PTPRK: variants seen among roughly 807,000 people sequenced by gnomAD.
PTPRK encodes the protein receptor-type tyrosine-protein phosphatase kappa.
PTPRK carries 75 observed loss-of-function variants against 178.0 expected under a neutral mutation model. The observed-to-expected ratio is 0.42, with a 90% confidence interval of 0.35 to 0.51. The LOEUF (loss-of-function observed/expected upper bound fraction) is 0.51. Among genes scored for constraint, PTPRK ranks in the 20% least tolerant of loss-of-function variants. The pLI, the probability that PTPRK is intolerant of heterozygous loss-of-function variation, is 0.02. For synonymous variants in PTPRK, 637 were observed against 620.6 expected, an observed-to-expected ratio of 1.03 and a Z score of -0.39; for missense variants, 1,441 against 1,797.8, an observed-to-expected ratio of 0.80 and a Z score of 3.59.
chr6:128,278,445 T>C (rs1161067450), intron 3 of PTPRK, among the ~76,000 whole-genome samples: 48 of 152,244 alleles, frequency 3.2e-4, no homozygotes, highest in Admixed American at 2.6e-3. Flanking sequence ...CGTGAGCCAC[T>C]GCACCTGGCC....
chr6:128,369,794 T>C (rs1175033032), intron 2 of PTPRK, among the ~76,000 whole-genome samples: 1 of 152,150 alleles, frequency 6.6e-6, no homozygotes, highest in Admixed American at 6.6e-5. Flanking sequence ...GAATATTTTA[T>C]AGCTATGCTA....
chr6:127,987,192 A>AT lies in PTPRK; in HGVS notation c.3097-1318dup, dbSNP rs566583852. ...TTCATATGTCAGCACCTATTCCCTG[A>AT]TTTTTTTTTTAATTTTTCTGAATGA... is the stretch of plus-strand genomic sequence containing the variant. On this transcript the variant is annotated intron_variant, in intron 21 of 29. Transcript: ENST00000368226. Among the ~76,000 whole-genome samples, 11 of 145,944 alleles carry AT rather than the reference A, an allele frequency of 7.5e-5. No individual in the cohort carries two copies. The South Asian group carries it at 8.7e-4, about 12-fold the overall frequency.
At chr6:128,243,800 T>A (rs983787397) in intron 3 of PTPRK, among the ~76,000 whole-genome samples, 1 of 152,242 alleles carries the variant, frequency 6.6e-6, no homozygotes, top group Non-Finnish European at 1.5e-5. Context: ...TGGGGATACA[T>A]ACATTATTTT....
At chr6:128,503,541 T>C (rs1485834464) in intron 1 of PTPRK, among the ~76,000 whole-genome samples, 2 of 152,206 alleles carry the variant, frequency 1.3e-5, no homozygotes, top group Non-Finnish European at 2.9e-5. Context: ...CTCTGTGCTA[T>C]ATACACTGCC....
chr6:128,258,962 A>G (rs998519023), intron 3 of PTPRK, among the ~76,000 whole-genome samples: 1 of 152,130 alleles, frequency 6.6e-6, no homozygotes, highest in Non-Finnish European at 1.5e-5. Context: ...AAGCCAGTGG[A>G]GGATATGGGG....
chr6:128,132,944 A>G (rs914147651), intron 7 of PTPRK, among the ~76,000 whole-genome samples: 4 of 152,224 alleles, frequency 2.6e-5, no homozygotes, highest in African/African-American at 9.6e-5. Flanking sequence ...TTCTACAGAA[A>G]GTCACTCAAA....
intron 29 of PTPRK, among the ~76,000 whole-genome samples, chr6:127,970,920 T>C (rs2114596956): frequency 6.6e-6 from 1 of 152,170 alleles, no homozygotes; most frequent in Admixed American, 6.5e-5. Context: ...AGTGATAAAC[T>C]GCAAATGTTT....
At chr6:128,443,888 T>C (rs757393367) in intron 1 of PTPRK, among the ~76,000 whole-genome samples, 1 of 152,148 alleles carries the variant, frequency 6.6e-6, no homozygotes, top group Non-Finnish European at 1.5e-5. Flanking sequence ...AGTCTCACAC[T>C]GTTGCCCAAG....
At chr6:128,273,524 C>CA (rs1427029732) in intron 3 of PTPRK, among the ~76,000 whole-genome samples, 1 of 152,130 alleles carries the variant, frequency 6.6e-6, no homozygotes, top group Non-Finnish European at 1.5e-5. Flanking sequence ...CAAAACTAAA[C>CA]AACCTACTGA....
intron 5 of PTPRK, among the ~76,000 whole-genome samples, chr6:128,225,581 A>G (rs1438385840): frequency 6.6e-6 from 1 of 152,218 alleles, no homozygotes; most frequent in African/African-American, 2.4e-5. Context: ...GAAGAACAAA[A>G]TAATTCTATA....
intron 3 of PTPRK, among the ~76,000 whole-genome samples, chr6:128,261,418 AC>A (rs1354139777): frequency 3.9e-5 from 6 of 152,206 alleles, no homozygotes; most frequent in Admixed American, 2.6e-4. Flanking sequence ...GTGAAACACT[AC>A]ATTGTACATT....
chr6:128,420,034 C>T (rs148393350), intron 1 of PTPRK, among the ~76,000 whole-genome samples: 5 of 152,260 alleles, frequency 3.3e-5, no homozygotes, highest in East Asian at 1.9e-4. Context: ...AATAATCATG[C>T]GTAACACTGA....
At chr6:127,995,267 C>A in intron 18 of PTPRK, 195 bp downstream of exon 18, 2 of 1,606,570 alleles carry the variant, frequency 1.2e-6, no homozygotes, top group Non-Finnish European at 1.7e-6. Flanking sequence ...ACAGCCAAAT[C>A]TACAGCCCAA....
At chr6:128,009,877 T>A (rs1407154107) in intron 13 of PTPRK, among the ~76,000 whole-genome samples, 1 of 151,218 alleles carries the variant, frequency 6.6e-6, no homozygotes, top group Non-Finnish European at 1.5e-5. Flanking sequence ...AAAACCCAGA[T>A]AATAAAGTTG....
intron 3 of PTPRK, among the ~76,000 whole-genome samples, chr6:128,248,491 A>G (rs372794589): frequency 9.2e-5 from 14 of 152,310 alleles, no homozygotes; most frequent in African/African-American, 3.4e-4. Context: ...TTAAGTATAT[A>G]GAACTACAAA....
At chr6:128,233,471 T>C (rs1448162740) in intron 5 of PTPRK, among the ~76,000 whole-genome samples, 1 of 152,202 alleles carries the variant, frequency 6.6e-6, no homozygotes, top group Non-Finnish European at 1.5e-5. Context: ...GTTGGTACAG[T>C]AGGGGGTCAG....
chr6:127,971,502 A>C (rs192995245), intron 29 of PTPRK, among the ~76,000 whole-genome samples: 2 of 152,158 alleles, frequency 1.3e-5, no homozygotes, highest in African/African-American at 4.8e-5. Flanking sequence ...ATGTGCCTAG[A>C]AATAGTTATG....
intron 1 of PTPRK, chr6:128,500,928 G>C (rs1296325432): frequency 6.6e-6 from 1 of 152,326 alleles, no homozygotes; most frequent in African/African-American, 2.4e-5. Flanking sequence ...CCCGGGCTAA[G>C]TGCAGTGGCA....
At chr6:128,377,190 C>T (rs950716222) in intron 2 of PTPRK, among the ~76,000 whole-genome samples, 1 of 152,096 alleles carries the variant, frequency 6.6e-6, no homozygotes, top group African/African-American at 2.4e-5. Flanking sequence ...AAAGATGTAA[C>T]GTACCTGACG....
Sources: gnomAD v4.1 joint callset for allele counts (sites outside exome capture counted in the v4.1 genomes callset) on GRCh38, gnomAD v4.1.1 for gene constraint, MANE v1.5 for transcripts, NCBI Gene and HGNC (gene_info 2026-07-23, HGNC 2026-07-21) for gene names.